The following TMEM131 variants were observed in gnomAD, a reference collection of about 807,000 sequenced individuals.
The protein encoded by TMEM131 is transmembrane protein 131, also known as 2610524E03Rik.
In TMEM131, 66 loss-of-function variants were observed where a neutral mutation model predicts 211.6. The observed-to-expected ratio is 0.31, with a 90% CI of 0.26 to 0.38. The LOEUF (loss-of-function observed/expected upper bound fraction) is 0.38. Ranked by LOEUF, TMEM131 falls within the 10% of genes least tolerant of loss-of-function variation. TMEM131 has a pLI of 1.00. For missense variants in TMEM131, 2,036 were observed against 2,299.3 expected (o/e 0.89, Z 2.34); for synonymous variants, 844 against 841.3 (o/e 1.00, Z -0.06).
chr2:97,935,242 C>G (rs997705772), intron 1 of TMEM131, among the ~76,000 whole-genome samples: 1 of 152,080 alleles, frequency 6.6e-6, no homozygotes, highest in East Asian at 1.9e-4. Flanking sequence ...ATGAAAGCCA[C>G]AATATCAGGA....
chr2:97,790,557 G>A (rs1157597838), intron 31 of TMEM131, among the ~76,000 whole-genome samples: 1 of 152,190 alleles, frequency 6.6e-6, no homozygotes, highest in Non-Finnish European at 1.5e-5. Context: ...GAGTGACCCT[G>A]AAAATAGAAT....
chr2:97,786,779 G>A (rs528986263), intron 31 of TMEM131, among the ~76,000 whole-genome samples: 11 of 152,268 alleles, frequency 7.2e-5, no homozygotes, highest in Non-Finnish European at 1.3e-4. Context: ...TGGGTTTGAC[G>A]GGGGGCCGAC....
intron 1 of TMEM131, among the ~76,000 whole-genome samples, chr2:97,939,790 T>C (rs1485173817): frequency 4.6e-5 from 7 of 152,170 alleles, no homozygotes; most frequent in Non-Finnish European, 1.5e-5. Flanking sequence ...ACTGGCAAAC[T>C]GAATCCAGTA....
At chr2:97,811,263 A>T (rs746956163) in intron 17 of TMEM131, 31 bp from the exon 18 acceptor site, 1 of 1,545,536 alleles carries the variant, frequency 6.5e-7, no homozygotes, top group South Asian at 1.1e-5. Flanking sequence ...ATCATTCATT[A>T]GCCTTGTTAG....
At chr2:97,980,553 C>A (rs928551263) in intron 1 of TMEM131, among the ~76,000 whole-genome samples, 1 of 152,176 alleles carries the variant, frequency 6.6e-6, no homozygotes, top group African/African-American at 2.4e-5. Flanking sequence ...AGGATCCAGA[C>A]ATTCCACTCA....
intron 1 of TMEM131, among the ~76,000 whole-genome samples, chr2:97,980,708 T>C (rs900787136): frequency 1.3e-5 from 2 of 152,084 alleles, no homozygotes; most frequent in African/African-American, 4.8e-5. Context: ...GGTATATTCA[T>C]ACAACAGAAT....
chr2:97,757,054 T>C lies in TMEM131; in HGVS notation c.*45A>G, dbSNP rs1678523221. 2 of 1,520,372 alleles carry C rather than the reference T, an allele frequency of 1.3e-6. No homozygotes were observed. The highest frequency in any genetic ancestry group is 2.1e-5 in the Admixed American group (1 of 47,086). The allele number at this position is 1,520,372 out of a possible 1,614,324, so 94.2% of individuals were successfully genotyped here. On this transcript the variant is annotated 3_prime_UTR_variant, in exon 41 of 41. Transcript: ENST00000186436. ...AGATGTCTCAGAAACTGGCACATCATGATCTAGACGAGGGCCCACTATGTT... is the reference window on the plus strand; with the variant it reads ...AGATGTCTCAGAAACTGGCACATCACGATCTAGACGAGGGCCCACTATGTT...
chr2:97,802,562 A>G, intron 23 of TMEM131, 25 bp from the exon 24 acceptor site: 1 of 1,601,334 alleles, frequency 6.2e-7, no homozygotes, highest in Non-Finnish European at 8.5e-7. Flanking sequence ...TGAAACATTA[A>G]ATGAAAGATT....
rs1680451050 is a variant in TMEM131 at position 97,995,360 on chromosome 2, C to G, written c.187+116G>C. 2.8e-6 allele frequency: 3 copies of G among 1,082,642 alleles called. No individual in the cohort carries two copies. In the African/African-American group the frequency reaches 5.0e-5, roughly 18 times the overall value. 67.1% of individuals were successfully genotyped at this position (1,082,642 alleles called of 1,614,324 possible). On this transcript the variant is annotated intron_variant, in intron 1 of 40. Coordinates refer to ENST00000186436, the MANE Select transcript of TMEM131 (RefSeq NM_015348.2). The stretch of plus-strand genomic sequence containing the variant: ...GTCCCGGCTCGGGACGGTACCCGAC[C>G]GCCCAACTTTGCGCCGGAGCCCCGG...
chr2:97,823,597 G>A (rs1326238642), intron 11 of TMEM131, among the ~76,000 whole-genome samples: 4 of 152,184 alleles, frequency 2.6e-5, no homozygotes, highest in African/African-American at 7.2e-5. Context: ...CGGTCAGCAA[G>A]CCATCCCCAG....
Position 97,985,462 on chromosome 2 carries a change from T to C in TMEM131, c.187+10014A>G, listed in dbSNP as rs192234379. Among the ~76,000 whole-genome samples, 3 of 152,144 alleles carry C rather than the reference T, an allele frequency of 2.0e-5. No individual in the cohort carries two copies. In the East Asian group the frequency reaches 5.8e-4, roughly 29 times the overall value. ...AAATTTATCTAACGTTTTAATGTAA[T>C]TGTAACCAAAAAGCAAATAGCAACT... On this transcript the variant is annotated intron_variant, in intron 1 of 40. Coordinates refer to ENST00000186436, the MANE Select transcript of TMEM131 (RefSeq NM_015348.2).
At chr2:97,994,011 C>G (rs1278797783) in intron 1 of TMEM131, among the ~76,000 whole-genome samples, 1 of 152,246 alleles carries the variant, frequency 6.6e-6, no homozygotes, top group African/African-American at 2.4e-5. Flanking sequence ...GCCAGTGTGT[C>G]TGGCACTGTG....
At chr2:97,875,451 T>A (rs1270233301) in intron 4 of TMEM131, among the ~76,000 whole-genome samples, 1 of 152,160 alleles carries the variant, frequency 6.6e-6, no homozygotes, top group Non-Finnish European at 1.5e-5. Flanking sequence ...ATTCTAAAAT[T>A]GACCACATAA....
intron 1 of TMEM131, among the ~76,000 whole-genome samples, chr2:97,955,778 A>C (rs1323997275): frequency 6.6e-6 from 1 of 152,148 alleles, no homozygotes; most frequent in Non-Finnish European, 1.5e-5. Flanking sequence ...ACTTGCAATC[A>C]CTCCGGAAAG....
chr2:97,835,014 A>C, intron 8 of TMEM131, 89 bp from the exon 9 acceptor site: 1 of 1,398,264 alleles, frequency 7.2e-7, no homozygotes, highest in Non-Finnish European at 9.9e-7. Flanking sequence ...ACTGACTGAA[A>C]GATGAGTATT....
At chr2:97,861,776 A>C (rs1674078794) in intron 4 of TMEM131, among the ~76,000 whole-genome samples, 1 of 152,168 alleles carries the variant, frequency 6.6e-6, no homozygotes. Context: ...ACACACCTAC[A>C]GACCCACCTG....
At chr2:97,910,753 C>T (rs1302295246) in intron 2 of TMEM131, among the ~76,000 whole-genome samples, 2 of 152,036 alleles carry the variant, frequency 1.3e-5, no homozygotes, top group African/African-American at 4.8e-5. Context: ...TTGTTGGCTG[C>T]ATAAATGTCA....
chr2:97,780,085 G>C (rs1288474696), intron 31 of TMEM131, among the ~76,000 whole-genome samples: 1 of 151,624 alleles, frequency 6.6e-6, no homozygotes, highest in East Asian at 1.9e-4. Flanking sequence ...AAAAACAAAA[G>C]AATACCCTGG....
At chr2:97,931,597 A>G (rs892219481) in intron 1 of TMEM131, among the ~76,000 whole-genome samples, 3 of 152,214 alleles carry the variant, frequency 2.0e-5, no homozygotes, top group African/African-American at 7.2e-5. Context: ...AGAAAAATTT[A>G]TGCCATATTG....
Sources: allele counts gnomAD v4.1 joint callset (sites outside exome capture counted in the v4.1 genomes callset), GRCh38; gene constraint gnomAD v4.1.1; transcripts MANE v1.5; gene names NCBI Gene and HGNC (gene_info 2026-07-23, HGNC 2026-07-21).